The following PDLIM3 variants were observed in gnomAD, a reference collection of about 807,000 sequenced individuals.
PDLIM3 encodes PDZ and LIM domain 3.
A neutral mutation model predicts 37.3 loss-of-function variants in PDLIM3; 36 were observed. The ratio of observed to expected loss-of-function variants is 0.97; its 90% confidence interval spans 0.74 to 1.28. The LOEUF is 1.28. Among genes scored for constraint, PDLIM3 ranks in the 50% most tolerant of loss-of-function variants. PDLIM3 has a pLI of 0.00. For synonymous variants in PDLIM3, 174 were observed against 182.4 expected (o/e 0.95, Z 0.37); for missense variants, 454 against 485.0 (o/e 0.94, Z 0.60).
chr4:185,529,582 A>T (rs2095740365), intron 1 of PDLIM3, among the ~76,000 whole-genome samples: 2 of 152,178 alleles, frequency 1.3e-5, no homozygotes, highest in Non-Finnish European at 2.9e-5. Context: ...GCCCTGCAGC[A>T]CCTGCCTGCC....
At chr4:185,503,043 C>A (rs150457799) in intron 7 of PDLIM3, among the ~76,000 whole-genome samples, 1 of 152,102 alleles carries the variant, frequency 6.6e-6, no homozygotes, top group East Asian at 1.9e-4. Flanking sequence ...CTGGCTAACA[C>A]GGTGAAACCC....
At chr4:185,503,186 T>C (rs4862540) in intron 7 of PDLIM3, among the ~76,000 whole-genome samples, 105,384 of 151,484 alleles carry the variant, frequency 0.7, 39,920 homozygotes, top group Non-Finnish European at 0.85. Flanking sequence ...ATCGCGCCAC[T>C]GCACTCCAGC....
chr4:185,504,616 T>G lies in PDLIM3; in HGVS notation c.794-30A>C, dbSNP rs781172291. The G allele has an allele frequency of 1.1e-5, 17 of 1,550,928 alleles. No individual in the cohort carries two copies. In the South Asian group the frequency reaches 1.9e-4, roughly 17 times the overall value. On this transcript the variant is annotated intron_variant, in intron 6 of 7. Coordinates refer to ENST00000284767, the MANE Select transcript of PDLIM3 (RefSeq NM_014476.6). This position sits in a 1 kb window ranked among gnomAD's most constrained non-coding sequence, Gnocchi z 4.7. The stretch of plus-strand genomic sequence containing the variant: ...AAAACAAAGCGTTTCCATTTATGGC[T>G]AGGGAACAGCTGGCCGCAGCCTGTG...
chr4:185,534,420 T>C (rs1434200690), intron 1 of PDLIM3, among the ~76,000 whole-genome samples: 1 of 152,208 alleles, frequency 6.6e-6, no homozygotes, highest in Non-Finnish European at 1.5e-5. Context: ...ATGTTTTATA[T>C]GTGATAACTG....
chr4:185,528,075 C>CA (rs752382310), intron 1 of PDLIM3, among the ~76,000 whole-genome samples: 9 of 147,454 alleles, frequency 6.1e-5, no homozygotes, highest in Middle Eastern at 3.6e-3. Flanking sequence ...CAAAACAAAA[C>CA]AAACAAACAA....
intron 1 of PDLIM3, among the ~76,000 whole-genome samples, chr4:185,532,070 C>G (rs1182318033): frequency 6.6e-6 from 1 of 152,144 alleles, no homozygotes; most frequent in East Asian, 1.9e-4. Flanking sequence ...TGCACTCCAG[C>G]CTGGGAGACA....
intron 1 of PDLIM3, among the ~76,000 whole-genome samples, chr4:185,526,768 G>T (rs2095734926): frequency 6.6e-6 from 1 of 152,208 alleles, no homozygotes; most frequent in Non-Finnish European, 1.5e-5. Context: ...GGCCAAGCTT[G>T]TGCCCTTTCT....
intron 1 of PDLIM3, among the ~76,000 whole-genome samples, chr4:185,530,542 G>C (rs989659555): frequency 1.3e-5 from 2 of 152,150 alleles, no homozygotes; most frequent in African/African-American, 4.8e-5. Context: ...ATCAGATATA[G>C]ACAATCATTT....
intron 4 of PDLIM3, among the ~76,000 whole-genome samples, chr4:185,510,714 C>G (rs1193810237): frequency 6.6e-6 from 1 of 152,162 alleles, no homozygotes; most frequent in African/African-American, 2.4e-5. Flanking sequence ...TCAGGGTCAA[C>G]AGTATATGCA....
In PDLIM3 at chr4:185,523,323, A is replaced by G. The variant is rs753079594; in HGVS notation, c.330+39T>C. The G allele has an allele frequency of 1.6e-5, 23 of 1,402,400 alleles. No individual in the cohort carries two copies. The East Asian group carries it at 5.2e-4, about 32-fold the overall frequency. The allele number at this position is 1,402,400 out of a possible 1,614,324, so 86.9% of individuals were successfully genotyped here. On this transcript the variant is annotated intron_variant, in intron 3 of 7. Transcript: ENST00000284767. Reference sequence around the variant, plus strand: ...TTGGAAGGCATCCCCATGATTTAAAAGGAAATACAATGTGTATCATTTGCT... The same window carrying G: ...TTGGAAGGCATCCCCATGATTTAAAGGGAAATACAATGTGTATCATTTGCT...
intron 4 of PDLIM3, chr4:185,513,351 G>A (rs2095709622): frequency 1.0e-6 from 1 of 984,960 alleles, no homozygotes. Flanking sequence ...ATACATAAGG[G>A]ATGACCTGCT....
At chr4:185,535,271 C>T in intron 1 of PDLIM3, 71 bp downstream of exon 1, 2 of 1,352,688 alleles carry the variant, frequency 1.5e-6, no homozygotes, top group Non-Finnish European at 2.1e-6. Context: ...GGCCCCGGGG[C>T]ATCCACTGCG....
Position 185,508,518 on chromosome 4 carries a change from C to T in PDLIM3, c.443G>A (p.Ser148Asn), listed in dbSNP as rs776185705. 1.2e-6 allele frequency: 2 copies of T among 1,614,108 alleles called. No individual in the cohort carries two copies. Among genetic ancestry groups the T allele is most frequent in the Middle Eastern group, 1.7e-4 (1 of 6,060 alleles). ...AACAGTACTGACAGAAGAAGGGGTG[C>T]TGCGTCCACTGCCACAGTCAATCCC... ...PSGIDCGSGR[S>N]TPSSVSTVST... Residue 148 changes from serine to asparagine, a missense_variant, in exon 5 of 8, where the codon AGC becomes AAC. Transcript: ENST00000284767.
chr4:185,525,431 C>G (rs934515970), intron 1 of PDLIM3, among the ~76,000 whole-genome samples: 16 of 152,110 alleles, frequency 1.1e-4, no homozygotes, highest in African/African-American at 3.6e-4. Context: ...ACATAATTCC[C>G]AGTGTGAATC....
In PDLIM3 at chr4:185,523,359, T is replaced by C; in HGVS notation, c.330+3A>G. On this transcript the variant is annotated splice_donor_region_variant and intron_variant, in intron 3 of 7. Transcript: ENST00000284767. ...TGTGTATCATTTGCTCTAAAACGCA[T>C]ACCTGTGGTTCTGATTCTAAGTTGA... The C allele has an allele frequency of 6.3e-7, 1 of 1,594,924 alleles. No homozygotes were observed. The highest frequency in any genetic ancestry group is 1.1e-5 in the South Asian group (1 of 90,578).
intron 1 of PDLIM3, among the ~76,000 whole-genome samples, chr4:185,528,784 AAGG>A (rs1438572250): frequency 1.3e-5 from 2 of 152,244 alleles, no homozygotes; most frequent in Non-Finnish European, 2.9e-5. Context: ...AATGAGAGAG[AAGG>A]AGAAAACATG....
intron 1 of PDLIM3, among the ~76,000 whole-genome samples, chr4:185,532,406 A>G (rs538152085): frequency 1.3e-5 from 2 of 152,302 alleles, no homozygotes; most frequent in South Asian, 4.1e-4. Context: ...GAGGGGTTAT[A>G]CAGGCCGAAA....
At chr4:185,532,396 G>T (rs1202097417) in intron 1 of PDLIM3, among the ~76,000 whole-genome samples, 1 of 152,198 alleles carries the variant, frequency 6.6e-6, no homozygotes, top group African/African-American at 2.4e-5. Flanking sequence ...ATGACATAAG[G>T]AGGGGTTATA....
rs1161027028 is a variant in PDLIM3, at chr4:185,503,070, AT to A, written c.906-588del. Among the ~76,000 whole-genome samples the A allele has an allele frequency of 3.9e-5, 6 of 152,264 alleles. No homozygotes were observed. In the East Asian group the frequency reaches 5.8e-4, roughly 15 times the overall value. Reference sequence around the variant, plus strand: ...GTGAAACCCCATCTCTACTAAAAAAATACAAAAAAATTAGCCGGGCGTGGGC... The same window carrying A: ...GTGAAACCCCATCTCTACTAAAAAAAACAAAAAAATTAGCCGGGCGTGGGC... On this transcript the variant is annotated intron_variant, in intron 7 of 7. Transcript: ENST00000284767.
Sources: gnomAD v4.1 joint callset for allele counts (sites outside exome capture counted in the v4.1 genomes callset) on GRCh38, gnomAD v4.1.1 for gene constraint, Gnocchi (gnomAD v3.1) non-coding constraint, MANE v1.5 for transcripts, NCBI Gene and HGNC (gene_info 2026-07-23, HGNC 2026-07-21) for gene names.